Variants in KIFAP3 observed in about 807,000 individuals in gnomAD.
KIFAP3 encodes the protein kinesin associated protein 3, also known as kinesin-associated protein 3.
A neutral mutation model predicts 106.5 loss-of-function variants in KIFAP3; 68 were observed. The ratio of observed to expected loss-of-function variants is 0.64; its 90% CI spans 0.53 to 0.78. The LOEUF (loss-of-function observed/expected upper bound fraction) is 0.78. KIFAP3 is among the 30% of genes least tolerant of loss of function. The pLI, the probability that KIFAP3 is intolerant of heterozygous loss-of-function variation, is 0.00. For missense variants in KIFAP3, 780 were observed against 941.8 expected, an observed-to-expected ratio of 0.83 and a Z score of 2.25; for synonymous variants, 320 against 311.5, an observed-to-expected ratio of 1.03 and a Z score of -0.29.
chr1:170,005,373 T>C (rs879169035), intron 10 of KIFAP3, among the ~76,000 whole-genome samples: 3 of 152,030 alleles, frequency 2.0e-5, no homozygotes, highest in Non-Finnish European at 4.4e-5. Flanking sequence ...ACCCAAAGGA[T>C]TATAAATCAT....
intron 10 of KIFAP3, among the ~76,000 whole-genome samples, chr1:170,015,735 T>G (rs1389210653): frequency 6.6e-6 from 1 of 152,162 alleles, no homozygotes; most frequent in Non-Finnish European, 1.5e-5. Flanking sequence ...TGCTGGGAAC[T>G]GGCAGGAGCC....
intron 6 of KIFAP3, 83 bp from the exon 7 acceptor site, chr1:170,034,579 G>A (rs941994465): frequency 8.2e-6 from 5 of 608,992 alleles, no homozygotes; most frequent in African/African-American, 3.9e-5. Flanking sequence ...TCACTGGTAC[G>A]AACCATGTAG....
intron 2 of KIFAP3, 122 bp downstream of exon 2, chr1:170,055,183 G>GATGA: frequency 2.5e-6 from 2 of 807,776 alleles, no homozygotes; most frequent in Non-Finnish European, 1.8e-6. Flanking sequence ...CCTTCACTAA[G>GATGA]ATGAAGTATG....
Position 170,046,798 on chromosome 1 carries a change from C to T in KIFAP3, c.233G>A (p.Cys78Tyr). The change falls in exon 3 of 20, where the codon TGT becomes TAT. Residue 78 changes from cysteine (C) to tyrosine (Y), a missense_variant. Around this residue, in one of 3 missense-constraint regions of KIFAP3, gnomAD observed 588 missense variants for 678.9 expected, o/e 0.87. Coordinates refer to ENST00000361580, the MANE Select transcript of KIFAP3 (RefSeq NM_014970.4). ...TAGTTTTGAAGGATGAATGAGTTTA[C>T]ATTCTTCAACCACCTTCCTTGCCAG... ...TSLARKVVEECKLIHPSKLNE... is the reference protein window; with the variant it reads ...TSLARKVVEEYKLIHPSKLNE... 6.2e-7 allele frequency: 1 copy of T among 1,611,298 alleles called. No individual in the cohort carries two copies. Among genetic ancestry groups the T allele is most frequent in the Non-Finnish European group, 8.5e-7 (1 of 1,178,500 alleles).
intron 3 of KIFAP3, among the ~76,000 whole-genome samples, chr1:170,040,240 T>G (rs1017535545): frequency 4.6e-5 from 7 of 152,182 alleles, no homozygotes; most frequent in African/African-American, 1.7e-4. Flanking sequence ...TCAATCACTT[T>G]TAAGATAAGG....
At chr1:170,013,553 T>C (rs886474826) in intron 10 of KIFAP3, among the ~76,000 whole-genome samples, 1 of 151,576 alleles carries the variant, frequency 6.6e-6, no homozygotes, top group African/African-American at 2.4e-5. Flanking sequence ...ATAACTGGTA[T>C]CTGATGAAGC....
chr1:170,083,645 C>T (rs1456946290), intron 1 of KIFAP3, among the ~76,000 whole-genome samples: 30 of 152,172 alleles, frequency 2.0e-4, no homozygotes, highest in Non-Finnish European at 5.9e-5. Flanking sequence ...TTGATATTAG[C>T]TGGACCAGGT....
chr1:169,992,820 G>T (rs1370582971), intron 10 of KIFAP3, among the ~76,000 whole-genome samples: 1 of 152,030 alleles, frequency 6.6e-6, no homozygotes. Context: ...GGTTTTATAT[G>T]CTTTGAAACT....
At chr1:170,057,807 T>C (rs1329341895) in intron 1 of KIFAP3, among the ~76,000 whole-genome samples, 1 of 152,126 alleles carries the variant, frequency 6.6e-6, no homozygotes, top group Non-Finnish European at 1.5e-5. Context: ...TGAATTTCTA[T>C]TTGAAGCATA....
At chr1:170,046,318 T>C (rs1670253961) in intron 3 of KIFAP3, among the ~76,000 whole-genome samples, 1 of 150,058 alleles carries the variant, frequency 6.7e-6, no homozygotes, top group Admixed American at 6.7e-5. Context: ...ACATAATCCA[T>C]CCAAATGATA....
At chr1:170,051,954 C>T (rs1342918551) in intron 2 of KIFAP3, among the ~76,000 whole-genome samples, 1 of 151,900 alleles carries the variant, frequency 6.6e-6, no homozygotes, top group African/African-American at 2.4e-5. Context: ...CAAGAGCAAA[C>T]AAAGTCAAGA....
At chr1:170,015,310 G>C (rs1035185784) in intron 10 of KIFAP3, among the ~76,000 whole-genome samples, 1 of 152,158 alleles carries the variant, frequency 6.6e-6, no homozygotes, top group Non-Finnish European at 1.5e-5. Flanking sequence ...CCTAATAGGT[G>C]ACACATAATT....
chr1:169,993,619 C>T (rs553078600), intron 10 of KIFAP3, among the ~76,000 whole-genome samples: 1 of 11,254 alleles, frequency 8.9e-5, no homozygotes, highest in Non-Finnish European at 2.0e-4. Context: ...GTCTAGCAAG[C>T]TTCAGGCAGG....
At chr1:170,039,331 G>C in intron 3 of KIFAP3, 43 bp from the exon 4 acceptor site, 1 of 1,099,410 alleles carries the variant, frequency 9.1e-7, no homozygotes, top group Non-Finnish European at 1.3e-6. Context: ...TAGGTTTTTA[G>C]GGTTTCTAGG....
At chr1:169,951,905 T>C (rs1403795336) in intron 19 of KIFAP3, among the ~76,000 whole-genome samples, 2 of 151,970 alleles carry the variant, frequency 1.3e-5, no homozygotes, top group Admixed American at 1.3e-4. Flanking sequence ...AGCAAAATTT[T>C]TCAATATAAA....
intron 19 of KIFAP3, among the ~76,000 whole-genome samples, chr1:169,941,376 T>C (rs612548): frequency 0.94 from 142,364 of 152,258 alleles, 66,646 homozygotes; most frequent in East Asian, 0.99. Context: ...TCAGGAGATC[T>C]GACTTTACTG....
rs551416188 is a variant in KIFAP3 at position 169,996,401 on chromosome 1, T to C, written c.1184-4146A>G. On this transcript the variant is annotated intron_variant, in intron 10 of 19. Coordinates refer to ENST00000361580, the MANE Select transcript of KIFAP3 (RefSeq NM_014970.4). Reference sequence around the variant, plus strand: ...GGCTATGGACAACTAATCTTTCTTATACCACAATTCTCTGAGAGAAGGTTA... The same window carrying C: ...GGCTATGGACAACTAATCTTTCTTACACCACAATTCTCTGAGAGAAGGTTA... 7.4e-4 allele frequency among the ~76,000 whole-genome samples: 113 copies of C among 152,338 alleles called. 1 individual carries two copies. The highest frequency in any genetic ancestry group is 1.0e-4 in the Non-Finnish European group (7 of 68,022).
At position 170,052,411 on chromosome 1, in the gene KIFAP3, G is replaced by C. The variant is rs1670621909; in HGVS notation, c.164+2894C>G. 1.3e-5 allele frequency among the ~76,000 whole-genome samples: 2 copies of C among 152,150 alleles called. 1 individual carries two copies. Among genetic ancestry groups the C allele is most frequent in the South Asian group, 4.1e-4 (2 of 4,830 alleles). ...GATTCACTGCAGAATTCTACCAGAG[G>C]TACAAAGAGGAGTGGGTACCATTAT... On this transcript the variant is annotated intron_variant, in intron 2 of 19. Transcript: ENST00000361580.
At chr1:169,936,152 C>G (rs1663786035) in intron 19 of KIFAP3, among the ~76,000 whole-genome samples, 1 of 151,822 alleles carries the variant, frequency 6.6e-6, no homozygotes, top group Admixed American at 6.6e-5. Flanking sequence ...TCATCAATAG[C>G]TATGATGTCA....
Sources: gnomAD v4.1 joint callset for allele counts (sites outside exome capture counted in the v4.1 genomes callset) on GRCh38, gnomAD v4.1.1 for gene constraint, gnomAD v4.1.1 regional missense constraint, MANE v1.5 for transcripts, NCBI Gene and HGNC (gene_info 2026-07-23, HGNC 2026-07-21) for gene names.